Variants in KAT14 observed in about 807,000 individuals in gnomAD.
KAT14 encodes the protein lysine acetyltransferase 14.
A neutral mutation model predicts 78.4 loss-of-function variants in KAT14; 66 were observed. The ratio of observed to expected loss-of-function variants is 0.84; its 90% CI spans 0.69 to 1.03. The LOEUF (loss-of-function observed/expected upper bound fraction) is 1.03, where lower values mean the gene tolerates loss of function less well. Ranked by LOEUF, KAT14 falls within the 50% of genes least tolerant of loss-of-function variation. The pLI, the probability that KAT14 is intolerant of heterozygous loss-of-function variation, is 0.00. For synonymous variants in KAT14, 344 were observed against 359.4 expected, an observed-to-expected ratio of 0.96 and a Z score of 0.48; for missense variants, 870 against 972.5, an observed-to-expected ratio of 0.89 and a Z score of 1.40.
intron 4 of KAT14, among the ~76,000 whole-genome samples, chr20:18,156,240 G>C (rs970697321): frequency 2.6e-5 from 4 of 152,154 alleles, no homozygotes; most frequent in African/African-American, 9.7e-5. Flanking sequence ...TGGCGGGGAG[G>C]GTGGAATTGG....
chr20:18,170,580 G>A (rs987574068), intron 7 of KAT14, among the ~76,000 whole-genome samples: 1 of 152,208 alleles, frequency 6.6e-6, no homozygotes, highest in Non-Finnish European at 1.5e-5. Context: ...TGTCGCCCAG[G>A]CTGGAGTGCA....
At chr20:18,148,924 T>G (rs2037935145) in intron 3 of KAT14, among the ~76,000 whole-genome samples, 1 of 152,160 alleles carries the variant, frequency 6.6e-6, no homozygotes, top group Admixed American at 6.5e-5. Context: ...ATTCATTCTT[T>G]TAGATCATAA....
At chr20:18,137,778 C>T (rs936038509), upstream of KAT14, 1 of 577,876 alleles carries the variant, frequency 1.7e-6, no homozygotes, top group Non-Finnish European at 2.7e-6. Context: ...AGCCTGGGCG[C>T]CGCTCTATGC....
intron 3 of KAT14, among the ~76,000 whole-genome samples, chr20:18,149,820 C>T (rs1378342583): frequency 6.6e-6 from 1 of 151,828 alleles, no homozygotes; most frequent in Non-Finnish European, 1.5e-5. Context: ...AGTGGTGGTG[C>T]GCATCTGAGA....
At position 18,162,831 on chromosome 20, in the gene KAT14, TTTG is replaced by T; in HGVS notation, c.1557_1559del (p.Leu520del). The T allele has an allele frequency of 6.2e-7, 1 of 1,614,188 alleles. No homozygotes were observed. The highest frequency in any genetic ancestry group is 8.5e-7 in the Non-Finnish European group (1 of 1,180,026). ...TGGATCAAGTTGTTAATGCTGCTCT[TTTG>T]TTAGTTGACGGGATTTATGGAGCCA... On this transcript the variant is annotated inframe_deletion, in exon 7 of 11. Transcript: ENST00000688188.
At chr20:18,144,011 C>A (rs1207163037) in intron 2 of KAT14, among the ~76,000 whole-genome samples, 1 of 152,176 alleles carries the variant, frequency 6.6e-6, no homozygotes, top group African/African-American at 2.4e-5. Context: ...TATACCGAAA[C>A]AGGATTTTCC....
chr20:18,155,718 A>G (rs756541604), intron 4 of KAT14, among the ~76,000 whole-genome samples: 4 of 152,238 alleles, frequency 2.6e-5, no homozygotes, highest in Admixed American at 2.0e-4. Context: ...TAGGATGACA[A>G]TTATCAAAGA....
Position 18,183,280 on chromosome 20 carries a change from CAGG to C in KAT14, c.1966_1968del (p.Glu656del). 2 of 1,613,764 alleles carry C rather than the reference CAGG, an allele frequency of 1.2e-6. No individual in the cohort carries two copies. The highest frequency in any genetic ancestry group is 1.7e-6 in the Non-Finnish European group (2 of 1,179,810). On this transcript the variant is annotated inframe_deletion, in exon 9 of 11. Coordinates refer to ENST00000688188, the MANE Select transcript of KAT14 (RefSeq NM_001392073.1). ...CATCCCAACGATCAACTCCATGTGT[CAGG>C]AGTTTTTTTGGCCTGGTATGTTCCC...
chr20:18,144,100 AATAC>A lies in KAT14; in HGVS notation c.260-1129_260-1126del, dbSNP rs1490106714. On this transcript the variant is annotated intron_variant, in intron 2 of 10. Transcript: ENST00000688188. ...ATATAATTTGTAACCAAGTCAGAGA[AATAC>A]ATATATAACTGTGAAGAGGGTCATT... is the stretch of plus-strand genomic sequence containing the variant. 7.2e-5 allele frequency among the ~76,000 whole-genome samples: 11 copies of A among 152,392 alleles called. No homozygotes were observed. The East Asian group carries it at 1.2e-3, about 16-fold the overall frequency.
chr20:18,142,198 AC>A lies in KAT14; in HGVS notation c.-453-9del, dbSNP rs1332371162. 1 of 1,535,776 alleles carries A rather than the reference AC, an allele frequency of 6.5e-7. No individual in the cohort carries two copies. Among genetic ancestry groups the A allele is most frequent in the Admixed American group, 2.0e-5 (1 of 50,840 alleles). ...GGGATGTTACTGAAATCTGTTTCTT[AC>A]GTTTTTAGAGGCTTCGTGACGGAGT... On this transcript the variant is annotated splice_polypyrimidine_tract_variant and intron_variant, in intron 1 of 10. Coordinates refer to ENST00000688188, the MANE Select transcript of KAT14 (RefSeq NM_001392073.1).
intron 1 of KAT14, among the ~76,000 whole-genome samples, chr20:18,141,665 C>T (rs1357178460): frequency 6.6e-6 from 1 of 152,192 alleles, no homozygotes; most frequent in African/African-American, 2.4e-5. Context: ...AGGTGGATTA[C>T]TTGAGATCAG....
intron 7 of KAT14, among the ~76,000 whole-genome samples, chr20:18,177,470 C>A (rs928113004): frequency 6.6e-6 from 1 of 152,122 alleles, no homozygotes; most frequent in South Asian, 2.1e-4. Flanking sequence ...CCTTTTGATA[C>A]GAGGAGCCGC....
chr20:18,180,674 C>T (rs998211217), intron 7 of KAT14, among the ~76,000 whole-genome samples: 4 of 152,154 alleles, frequency 2.6e-5, no homozygotes, highest in South Asian at 4.1e-4. Flanking sequence ...GCCTCAGAAT[C>T]ATGGCAGGAG....
chr20:18,150,077 C>T (rs2037979184), intron 3 of KAT14, among the ~76,000 whole-genome samples: 1 of 152,148 alleles, frequency 6.6e-6, no homozygotes, highest in South Asian at 2.1e-4. Flanking sequence ...TTACTTCCTT[C>T]CCATTTGGGG....
intron 4 of KAT14, among the ~76,000 whole-genome samples, chr20:18,153,103 T>A (rs1220474751): frequency 6.6e-6 from 1 of 152,188 alleles, no homozygotes; most frequent in South Asian, 2.1e-4. Flanking sequence ...TGACAAAGTC[T>A]TTGATCACTT....
Position 18,145,232 on chromosome 20 carries a change from G to A in KAT14, c.260-1G>A. On this transcript the variant is annotated splice_acceptor_variant, in intron 2 of 10. Transcript: ENST00000688188. LOFTEE classifies it high-confidence loss of function. The stretch of plus-strand genomic sequence containing the variant: ...GATGTGACTTTTTGTTTTTCTCCTA[G>A]GTCAGCTGAGGGAACAGCTCAGTTA... 1 of 1,613,640 alleles carries A rather than the reference G, an allele frequency of 6.2e-7. No individual in the cohort carries two copies.
At chr20:18,173,211 CT>C (rs2038913690) in intron 7 of KAT14, among the ~76,000 whole-genome samples, 1 of 152,202 alleles carries the variant, frequency 6.6e-6, no homozygotes, top group Non-Finnish European at 1.5e-5. Context: ...CCTGGTCCAA[CT>C]TCTGGAGGTG....
intron 7 of KAT14, among the ~76,000 whole-genome samples, chr20:18,177,280 T>C (rs766789688): frequency 6.6e-5 from 10 of 152,212 alleles, no homozygotes; most frequent in South Asian, 2.1e-4. Context: ...TCCATCTCCC[T>C]GTGGCCTCTA....
Position 18,139,664 on chromosome 20 carries a change from GTGTGTGTGTGTT to G in KAT14, c.-454+1615_-454+1626del, listed in dbSNP as rs1306441217. On this transcript the variant is annotated intron_variant, in intron 1 of 10. Transcript: ENST00000688188. ...TGTGTGTGTGTGTGTGTGTGTGTGT[GTGTGTGTGTGTT>G]TATTTTTTTTCCTTTTATGTCCGGT... is the stretch of plus-strand genomic sequence containing the variant. Among the ~76,000 whole-genome samples the G allele has an allele frequency of 1.4e-3, 116 of 84,158 alleles. 1 individual carries two copies. The highest frequency in any genetic ancestry group is 3.9e-3 in the South Asian group (8 of 2,058). The allele number at this position is 84,158 out of a possible 152,430, so 55.2% of individuals were successfully genotyped here.
Sources: gnomAD v4.1 joint callset for allele counts (sites outside exome capture counted in the v4.1 genomes callset) on GRCh38, gnomAD v4.1.1 for gene constraint, MANE v1.5 for transcripts, NCBI Gene and HGNC (gene_info 2026-07-23, HGNC 2026-07-21) for gene names.